CEP72: variants seen among roughly 807,000 people sequenced by gnomAD.
CEP72 encodes the protein centrosomal protein 72, also known as centrosomal protein of 72 kDa.
CEP72 carries 78 observed loss-of-function variants against 65.7 expected under a neutral mutation model. That is an observed-to-expected ratio of 1.19 (90% CI 0.99 to 1.43). The LOEUF is 1.43. CEP72 is among the 40% of genes most tolerant of loss of function. The probability of loss-of-function intolerance (pLI) is 0.00; values close to 1 mark genes in which losing one functional copy is unlikely to be tolerated. For missense variants in CEP72, 914 were observed against 832.9 expected (o/e 1.10, Z -1.20); for synonymous variants, 358 against 351.7 (o/e 1.02, Z -0.20).
chr5:674,896 C>T, the CEP72 span, among the ~76,000 whole-genome samples: 3 of 150,474 alleles, frequency 2.0e-5, no homozygotes, highest in African/African-American at 7.5e-5. Flanking sequence ...AGCCCACAAG[C>T]AAGGCCTGTA....
At chr5:652,324 C>T (rs753009067) in intron 11 of CEP72, among the ~76,000 whole-genome samples, 5 of 152,206 alleles carry the variant, frequency 3.3e-5, no homozygotes, top group Admixed American at 6.5e-5. Context: ...TGAACAGGGC[C>T]TGGGCCTGCA....
downstream of CEP72, among the ~76,000 whole-genome samples, chr5:668,324 G>T (rs111228981): frequency 1.1e-4 from 11 of 101,216 alleles, 1 homozygote; most frequent in African/African-American, 4.8e-4. Context: ...CAGAGAGGGG[G>T]CCGTGTGGGC....
At chr5:654,064 T>C (rs1318343323), downstream of CEP72, among the ~76,000 whole-genome samples, 1 of 140,134 alleles carries the variant, frequency 7.1e-6, no homozygotes, top group African/African-American at 2.7e-5. Flanking sequence ...TGTGTGTGTG[T>C]GCTGTGTGTG....
rs761990990 is a variant in CEP72 at position 647,885 on chromosome 5, G to C, written c.1747G>C (p.Glu583Gln). 4 of 1,612,372 alleles carry C rather than the reference G, an allele frequency of 2.5e-6. No homozygotes were observed. In the Admixed American group the frequency reaches 6.7e-5, roughly 27 times the overall value. ...QHLEHYDKIQ[E>Q]LTQMLQESHS... Reference sequence around the variant, plus strand: ...CCTGGAGCACTACGACAAGATCCAGGAGCTCACGCAGATGCTGCAGGAGAG... The same window carrying C: ...CCTGGAGCACTACGACAAGATCCAGCAGCTCACGCAGATGCTGCAGGAGAG... Residue 583 changes from glutamate (E) to glutamine (Q), a missense_variant, in exon 11 of 12, where the codon GAG (glutamate) becomes CAG (glutamine). Coordinates refer to ENST00000264935, the MANE Select transcript of CEP72 (RefSeq NM_018140.4).
At chr5:612,543 C>T in intron 1 of CEP72, 100 bp downstream of exon 1, 5 of 1,260,986 alleles carry the variant, frequency 4.0e-6, no homozygotes, top group Non-Finnish European at 5.0e-6. Flanking sequence ...CGGGACCCGT[C>T]TACGCAGGCG....
chr5:665,197 T>G (rs1364625285), exon 3 of CEP72: 1 of 1,611,330 alleles, frequency 6.2e-7, no homozygotes, highest in Admixed American at 1.7e-5. Context: ...CGGCCAGCCT[T>G]GCCCTTGCCC....
downstream of CEP72, among the ~76,000 whole-genome samples, chr5:658,710 C>T (rs1383525131): frequency 5.4e-5 from 6 of 111,134 alleles, no homozygotes; most frequent in South Asian, 1.3e-3. Flanking sequence ...GCTCTATTGC[C>T]CAGGCTGGAG....
At chr5:675,358 G>C in the CEP72 span, among the ~76,000 whole-genome samples, 1 of 106,824 alleles carries the variant, frequency 9.4e-6, no homozygotes, top group Non-Finnish European at 1.9e-5. Context: ...CAGTGTGGGG[G>C]TGTGCAGTGT....
chr5:649,094 A>C (rs1188801004), intron 11 of CEP72, among the ~76,000 whole-genome samples: 3 of 126,536 alleles, frequency 2.4e-5, no homozygotes, highest in South Asian at 2.6e-4. Context: ...GTGAGGTGTG[A>C]CTGTGAGGTG....
At chr5:636,969 G>C (rs1299552147) in intron 6 of CEP72, among the ~76,000 whole-genome samples, 1 of 152,188 alleles carries the variant, frequency 6.6e-6, no homozygotes, top group African/African-American at 2.4e-5. Flanking sequence ...TGAGCAGGCT[G>C]TGGTGGAGGC....
intron 10 of CEP72, among the ~76,000 whole-genome samples, chr5:646,405 T>C (rs1319917523): frequency 6.6e-6 from 1 of 152,234 alleles, no homozygotes; most frequent in East Asian, 1.9e-4. Flanking sequence ...TTCAATACTT[T>C]CTGCTGCTTT....
downstream of CEP72, among the ~76,000 whole-genome samples, chr5:658,927 C>T: frequency 6.6e-6 from 1 of 152,198 alleles, no homozygotes; most frequent in East Asian, 1.9e-4. Context: ...CTCGGCCTCC[C>T]AAAGTGCTGG....
chr5:659,148 G>GC (rs1739480267), downstream of CEP72, among the ~76,000 whole-genome samples: 1 of 152,226 alleles, frequency 6.6e-6, no homozygotes. Flanking sequence ...CATGCTTATG[G>GC]CATGTGTGCG....
downstream of CEP72, among the ~76,000 whole-genome samples, chr5:656,247 C>T (rs767019335): frequency 1.3e-5 from 2 of 152,184 alleles, no homozygotes; most frequent in South Asian, 2.1e-4. Flanking sequence ...CTCTGGGGCG[C>T]GTACCTCCAT....
At chr5:616,760 G>A (rs1024008578) in intron 1 of CEP72, among the ~76,000 whole-genome samples, 1 of 151,960 alleles carries the variant, frequency 6.6e-6, no homozygotes, top group Non-Finnish European at 1.5e-5. Flanking sequence ...CTCACACCCC[G>A]GTGCTGGCTG....
chr5:628,721 T>A (rs1315831794), intron 4 of CEP72, among the ~76,000 whole-genome samples: 1 of 135,250 alleles, frequency 7.4e-6, no homozygotes, highest in Non-Finnish European at 1.6e-5. Context: ...CCAGCCCCCT[T>A]CTTTGTGCAG....
rs1259285714 is a variant in CEP72, at chr5:623,459, G to T, written c.404-1012G>T. ...GGCGGCGTCTGGAGAGACCTTGCCA[G>T]CAGGAGAGGGTGGGCTTGGGGTGAA... On this transcript the variant is annotated intron_variant, in intron 3 of 11. Coordinates refer to ENST00000264935, the MANE Select transcript of CEP72 (RefSeq NM_018140.4). The surrounding 1 kb of genome is among the most constrained non-coding windows in gnomAD (Gnocchi z 5.3). Among the ~76,000 whole-genome samples the T allele has an allele frequency of 1.3e-5, 2 of 152,248 alleles. No individual in the cohort carries two copies. The highest frequency in any genetic ancestry group is 2.9e-5 in the Non-Finnish European group (2 of 68,046).
chr5:638,828 G>C (rs1258099794), intron 7 of CEP72, among the ~76,000 whole-genome samples: 1 of 152,100 alleles, frequency 6.6e-6, no homozygotes, highest in Admixed American at 6.5e-5. Context: ...GGAGGAGTCT[G>C]GGGCCTGCTT....
intron 1 of CEP72, among the ~76,000 whole-genome samples, chr5:617,450 C>G (rs185622132): frequency 1.3e-5 from 2 of 152,180 alleles, no homozygotes; most frequent in African/African-American, 4.8e-5. Context: ...GATGGATCAC[C>G]TGAGGTCAGG....
Sources: allele counts gnomAD v4.1 joint callset (sites outside exome capture counted in the v4.1 genomes callset), GRCh38; gene constraint gnomAD v4.1.1; non-coding constraint Gnocchi (gnomAD v3.1); transcripts MANE v1.5; gene names NCBI Gene and HGNC (gene_info 2026-07-23, HGNC 2026-07-21).